The following MARCHF3 variants were observed in gnomAD, a reference collection of about 807,000 sequenced individuals.
MARCHF3 encodes E3 ubiquitin-protein ligase MARCHF3.
Under a neutral mutation model 24.2 loss-of-function variants are expected in MARCHF3, and 13 were observed. That is an observed-to-expected ratio of 0.54 (90% confidence interval 0.35 to 0.85). MARCHF3 has a LOEUF of 0.85. Among genes scored for constraint, MARCHF3 ranks in the 40% least tolerant of loss-of-function variants. MARCHF3 has a pLI of 0.01. For synonymous variants in MARCHF3, 144 were observed against 137.3 expected, an observed-to-expected ratio of 1.05 and a Z score of -0.34; for missense variants, 276 against 325.0, an observed-to-expected ratio of 0.85 and a Z score of 1.16.
At chr5:126,965,666 C>A (rs1004743442) in intron 1 of MARCHF3, among the ~76,000 whole-genome samples, 13 of 152,004 alleles carry the variant, frequency 8.6e-5, no homozygotes, top group Non-Finnish European at 1.9e-4. Flanking sequence ...TAAAGCAGCA[C>A]ACAAAATAGT....
At chr5:127,010,704 T>C (rs1160137294) in intron 1 of MARCHF3, among the ~76,000 whole-genome samples, 2 of 152,180 alleles carry the variant, frequency 1.3e-5, no homozygotes, top group Non-Finnish European at 2.9e-5. Flanking sequence ...TCAAAATACT[T>C]TTTCCACTGA....
intron 1 of MARCHF3, among the ~76,000 whole-genome samples, chr5:126,979,453 C>T (rs897390689): frequency 5.3e-5 from 8 of 152,308 alleles, no homozygotes; most frequent in East Asian, 3.9e-4. Flanking sequence ...TGTAAACCCT[C>T]GATGTCAACC....
chr5:126,883,110 A>G (rs576932638), intron 3 of MARCHF3, among the ~76,000 whole-genome samples: 2 of 152,328 alleles, frequency 1.3e-5, no homozygotes, highest in African/African-American at 4.8e-5. Flanking sequence ...GATACCAATT[A>G]ATTTATCCTG....
At chr5:126,935,601 CTTTTTTTTTT>C (rs202058243) in intron 1 of MARCHF3, among the ~76,000 whole-genome samples, 4 of 70,592 alleles carry the variant, frequency 5.7e-5, no homozygotes, top group African/African-American at 1.6e-4. Context: ...GTATATATGG[CTTTTTTTTTT>C]TTTTTTTTTT....
In MARCHF3 at chr5:127,026,506, T is replaced by C. The variant is rs372311912; in HGVS notation, c.-57+3844A>G. ...GGGTCATTGAACTAATTATTATATA[T>C]GGTAGTTAACTTTATAAAGAAAACT... On this transcript the variant is annotated intron_variant, in intron 1 of 4. Coordinates refer to ENST00000308660, the MANE Select transcript of MARCHF3 (RefSeq NM_178450.5). 5.3e-5 allele frequency among the ~76,000 whole-genome samples: 8 copies of C among 152,364 alleles called. No homozygotes were observed. The East Asian group carries it at 1.5e-3, about 29-fold the overall frequency.
chr5:127,012,540 C>G (rs913323219), intron 1 of MARCHF3, among the ~76,000 whole-genome samples: 2 of 152,060 alleles, frequency 1.3e-5, no homozygotes, highest in South Asian at 4.1e-4. Context: ...GTGAAAATAA[C>G]TTATTAATAA....
intron 1 of MARCHF3, among the ~76,000 whole-genome samples, chr5:126,919,374 G>C (rs781652156): frequency 6.6e-6 from 1 of 152,168 alleles, no homozygotes; most frequent in Non-Finnish European, 1.5e-5. Flanking sequence ...ACATGGCCTG[G>C]GCTCAGTAGA....
At chr5:126,946,368 T>C (rs1177334662) in intron 1 of MARCHF3, 1 of 50,480 alleles carries the variant, frequency 2.0e-5, no homozygotes, top group East Asian at 4.9e-4. Context: ...CGAGATTCTG[T>C]CAAAAAAAAA....
intron 3 of MARCHF3, among the ~76,000 whole-genome samples, chr5:126,901,367 C>T (rs12655223): frequency 0.021 from 3,126 of 152,094 alleles, 81 homozygotes; most frequent in South Asian, 0.11. Flanking sequence ...GATGGACTCA[C>T]GTTAATTAAT....
Position 126,878,241 on chromosome 5 carries a change from C to A in MARCHF3, c.547G>T (p.Val183Phe). 6.2e-7 allele frequency: 1 copy of A among 1,614,272 alleles called. No individual in the cohort carries two copies. The highest frequency in any genetic ancestry group is 8.5e-7 in the Non-Finnish European group (1 of 1,180,052). Residue 183 changes from valine to phenylalanine, a missense_variant, in exon 4 of 5, where the codon GTC (valine) becomes TTC (phenylalanine). Val to Phe is a conservative substitution (Grantham distance 50). Coordinates refer to ENST00000308660, the MANE Select transcript of MARCHF3 (RefSeq NM_178450.5). ...GCGACAGTGAGTGCAATCAGTCCGA[C>A]GGCTTCCAGCCGACTACTAAAGTGC... is the stretch of plus-strand genomic sequence containing the variant. ...HLHFSSRLEA[V>F]GLIALTVALF...
At chr5:126,907,068 G>A (rs374199632) in intron 3 of MARCHF3, among the ~76,000 whole-genome samples, 1 of 151,826 alleles carries the variant, frequency 6.6e-6, no homozygotes, top group Non-Finnish European at 1.5e-5. Context: ...CCTTCATTTC[G>A]TTACGTACCC....
chr5:126,991,453 T>C (rs1459818354), intron 1 of MARCHF3, among the ~76,000 whole-genome samples: 1 of 152,268 alleles, frequency 6.6e-6, no homozygotes, highest in East Asian at 1.9e-4. Context: ...ATGTAAATGA[T>C]GAGTTGATGG....
chr5:126,962,242 CTA>C (rs59031557), intron 1 of MARCHF3, among the ~76,000 whole-genome samples: 2 of 151,310 alleles, frequency 1.3e-5, no homozygotes, highest in African/African-American at 2.4e-5. Flanking sequence ...ATCTCTCTCT[CTA>C]TATATATATA....
chr5:126,889,964 C>CAGTAGCATCCTCACATCTAGATT (rs1291316157), intron 3 of MARCHF3, among the ~76,000 whole-genome samples: 10 of 152,330 alleles, frequency 6.6e-5, no homozygotes, highest in Non-Finnish European at 1.3e-4. Context: ...ACATGTCCCT[C>CAGTAGCATCCTCACATCTAGATT]AGTAGCATCC....
chr5:126,931,647 G>A (rs763363181), intron 1 of MARCHF3, among the ~76,000 whole-genome samples: 2 of 150,376 alleles, frequency 1.3e-5, no homozygotes, highest in Non-Finnish European at 3.0e-5. Flanking sequence ...CTAGCAATTC[G>A]TTGTAAAATC....
rs374710420 is a variant in MARCHF3 at position 126,985,132 on chromosome 5, G to C, written c.-57+45218C>G. Among the ~76,000 whole-genome samples, 8 of 152,244 alleles carry C rather than the reference G, an allele frequency of 5.3e-5. No homozygotes were observed. The East Asian group carries it at 7.7e-4, about 15-fold the overall frequency. ...ACCTGGAGGATGGGGATTTCCTTTG[G>C]GGGGACTACTCTTGGCTTTTGTAAC... On this transcript the variant is annotated intron_variant, in intron 1 of 4. Coordinates refer to ENST00000308660, the MANE Select transcript of MARCHF3 (RefSeq NM_178450.5).
intron 1 of MARCHF3, among the ~76,000 whole-genome samples, chr5:126,943,834 G>A (rs775589819): frequency 5.3e-5 from 8 of 151,036 alleles, no homozygotes; most frequent in African/African-American, 1.9e-4. Flanking sequence ...TTTTGGATAC[G>A]GAGTCTCGCT....
At chr5:126,921,370 T>C (rs987545275) in intron 1 of MARCHF3, among the ~76,000 whole-genome samples, 1 of 152,104 alleles carries the variant, frequency 6.6e-6, no homozygotes, top group Non-Finnish European at 1.5e-5. Flanking sequence ...TCTGCCCTGA[T>C]CTCAGTGAAA....
chr5:126,874,246 C>A (rs544550652), intron 4 of MARCHF3, among the ~76,000 whole-genome samples: 2 of 152,320 alleles, frequency 1.3e-5, no homozygotes, highest in East Asian at 1.9e-4. Flanking sequence ...AGCATCCACT[C>A]TTCCCATTAG....
Sources: allele counts gnomAD v4.1 joint callset (sites outside exome capture counted in the v4.1 genomes callset), GRCh38; gene constraint gnomAD v4.1.1; transcripts MANE v1.5; gene names NCBI Gene and HGNC (gene_info 2026-07-23, HGNC 2026-07-21).